The following BMPR2 variants were observed in gnomAD, a reference collection of about 807,000 sequenced individuals.
BMPR2 encodes bone morphogenetic protein receptor type 2, also known as bone morphogenetic protein receptor type-2.
A neutral mutation model predicts 100.8 loss-of-function variants in BMPR2; 29 were observed. That is an observed-to-expected ratio of 0.29 (90% CI 0.21 to 0.39). The LOEUF is 0.39. Ranked by LOEUF, BMPR2 falls within the 10% of genes least tolerant of loss-of-function variation. The pLI, the probability that BMPR2 is intolerant of heterozygous loss-of-function variation, is 1.00. For missense variants in BMPR2, 1,011 were observed against 1,274.5 expected (o/e 0.79, Z 3.15); for synonymous variants, 382 against 442.3 (o/e 0.86, Z 1.71).
rs1177307657 is a variant in BMPR2 at position 202,561,019 on chromosome 2, A to G, written c.*1073A>G. On this transcript the variant is annotated 3_prime_UTR_variant, in exon 13 of 13. Transcript: ENST00000374580. ...TAGGCCATCTTTGACTCATAAAATT[A>G]CCCTTACTGTTTATTATAACTTCAG... 2.6e-5 allele frequency: 4 copies of G among 152,110 alleles called. No homozygotes were observed. Among genetic ancestry groups the G allele is most frequent in the Non-Finnish European group, 5.9e-5 (4 of 67,992 alleles). 9.4% of individuals were successfully genotyped at this position (152,110 alleles called of 1,614,324 possible).
chr2:202,392,049 C>T (rs941319690), intron 1 of BMPR2, among the ~76,000 whole-genome samples: 13 of 150,844 alleles, frequency 8.6e-5, no homozygotes, highest in East Asian at 7.9e-4. Context: ...TGTGAACCAC[C>T]GCACCCAGCC....
intron 10 of BMPR2, among the ~76,000 whole-genome samples, chr2:202,547,497 A>G (rs2106036324): frequency 6.6e-6 from 1 of 152,188 alleles, no homozygotes; most frequent in East Asian, 1.9e-4. Flanking sequence ...AAAGGTGGCA[A>G]CTTAGCCAGG....
chr2:202,478,243 G>A (rs1692588369), intron 3 of BMPR2, among the ~76,000 whole-genome samples: 1 of 152,164 alleles, frequency 6.6e-6, no homozygotes, highest in South Asian at 2.1e-4. Flanking sequence ...CAAAGAACAA[G>A]AAGGCTGTGA....
At chr2:202,414,328 G>C (rs1169670424) in intron 1 of BMPR2, among the ~76,000 whole-genome samples, 1 of 152,178 alleles carries the variant, frequency 6.6e-6, no homozygotes, top group Non-Finnish European at 1.5e-5. Context: ...ATCAGCTGTT[G>C]TTCCCCTGTC....
chr2:202,557,334 G>A (rs1000840425), intron 12 of BMPR2, among the ~76,000 whole-genome samples: 8 of 151,876 alleles, frequency 5.3e-5, no homozygotes, highest in Non-Finnish European at 8.8e-5. Flanking sequence ...TGTGGTGGTG[G>A]GCACCTGTAA....
chr2:202,430,515 T>A (rs541333340), intron 1 of BMPR2, among the ~76,000 whole-genome samples: 3 of 152,306 alleles, frequency 2.0e-5, no homozygotes, highest in Admixed American at 2.0e-4. Flanking sequence ...ATGATGTATA[T>A]TTAAGTAAGG....
At chr2:202,482,400 G>A (rs1448694916) in intron 3 of BMPR2, among the ~76,000 whole-genome samples, 1 of 152,090 alleles carries the variant, frequency 6.6e-6, no homozygotes, top group Non-Finnish European at 1.5e-5. Flanking sequence ...AAGAGACAGG[G>A]TCTTGCTTTG....
intron 3 of BMPR2, among the ~76,000 whole-genome samples, chr2:202,468,294 TAGTG>T (rs1490204291): frequency 6.6e-6 from 1 of 151,960 alleles, no homozygotes; most frequent in Non-Finnish European, 1.5e-5. Flanking sequence ...CTGGGCAACA[TAGTG>T]AGATCCCATC....
intron 3 of BMPR2, among the ~76,000 whole-genome samples, chr2:202,485,074 G>A (rs1265149229): frequency 2.0e-5 from 3 of 151,304 alleles, no homozygotes; most frequent in East Asian, 1.9e-4. Context: ...CAATCCTCCC[G>A]ACTCGGCCTC....
intron 1 of BMPR2, among the ~76,000 whole-genome samples, chr2:202,414,081 G>A (rs574302375): frequency 2.4e-4 from 36 of 152,284 alleles, no homozygotes; most frequent in Non-Finnish European, 8.8e-5. Flanking sequence ...AGGGTTTGGG[G>A]TAACTCTGCA....
At chr2:202,513,676 T>C (rs1687661754) in intron 3 of BMPR2, 43 bp from the exon 4 acceptor site, 1 of 1,127,086 alleles carries the variant, frequency 8.9e-7, no homozygotes, top group Non-Finnish European at 1.3e-6. Flanking sequence ...AACAAAATAC[T>C]TTTTTAAAAA....
chr2:202,556,460 C>T lies in BMPR2; in HGVS notation c.2795C>T (p.Pro932Leu). The T allele has an allele frequency of 6.2e-7, 1 of 1,614,162 alleles. No homozygotes were observed. Among genetic ancestry groups the T allele is most frequent in the Non-Finnish European group, 8.5e-7 (1 of 1,180,030 alleles). ...GCAGCAGATCCTGGGCCATCAAAGCCCAGAAGAGCACAGAGGCCTAATTCT... is the reference window on the plus strand; with the variant it reads ...GCAGCAGATCCTGGGCCATCAAAGCTCAGAAGAGCACAGAGGCCTAATTCT... ...STAADPGPSK[P>L]RRAQRPNSLD... Residue 932 changes from proline (P) to leucine (L), a missense_variant, in exon 12 of 13, where the codon CCC becomes CTC. By Grantham distance (98) the Pro-to-Leu change is moderately conservative (BLOSUM62 -3). Coordinates refer to ENST00000374580, the MANE Select transcript of BMPR2 (RefSeq NM_001204.7).
At chr2:202,507,081 A>T in intron 3 of BMPR2, among the ~76,000 whole-genome samples, 1 of 151,684 alleles carries the variant, frequency 6.6e-6, no homozygotes, top group Non-Finnish European at 1.5e-5. Flanking sequence ...TTAAAAAAAA[A>T]AAAAAAAAAA....
intron 1 of BMPR2, among the ~76,000 whole-genome samples, chr2:202,394,645 G>A (rs1053004276): frequency 1.3e-5 from 2 of 152,038 alleles, no homozygotes; most frequent in Non-Finnish European, 2.9e-5. Context: ...CTAATGATAT[G>A]TAAAAATAAT....
chr2:202,420,479 T>C (rs1691233637), intron 1 of BMPR2, among the ~76,000 whole-genome samples: 1 of 150,368 alleles, frequency 6.7e-6, no homozygotes, highest in African/African-American at 2.4e-5. Context: ...CATTACTAAA[T>C]ATGCGTTTAT....
At chr2:202,439,439 G>A (rs1691685744) in intron 1 of BMPR2, among the ~76,000 whole-genome samples, 1 of 144,484 alleles carries the variant, frequency 6.9e-6, no homozygotes, top group South Asian at 2.3e-4. Context: ...AAATCCTAAG[G>A]AACCTACAAA....
Position 202,503,510 on chromosome 2 carries a change from C to A in BMPR2, c.419-10209C>A, listed in dbSNP as rs973737269. 9.9e-5 allele frequency among the ~76,000 whole-genome samples: 15 copies of A among 152,230 alleles called. No individual in the cohort carries two copies. Among genetic ancestry groups the A allele is most frequent in the Non-Finnish European group, 1.8e-4 (12 of 68,030 alleles). ...CCCCGGGCAATGAGGGGCTTAGCAC[C>A]CAGGCCAGCAGCTGCGGAGGGTGTA... On this transcript the variant is annotated intron_variant, in intron 3 of 12. Transcript: ENST00000374580. The surrounding 1 kb of genome is among the most constrained non-coding windows in gnomAD (Gnocchi z 4.0).
intron 1 of BMPR2, among the ~76,000 whole-genome samples, chr2:202,379,999 G>A (rs752549751): frequency 5.3e-5 from 8 of 151,912 alleles, no homozygotes; most frequent in Non-Finnish European, 7.4e-5. Context: ...CTGAGATTAC[G>A]GGAGCCCACC....
chr2:202,410,673 G>A (rs899932862), intron 1 of BMPR2, among the ~76,000 whole-genome samples: 5 of 152,036 alleles, frequency 3.3e-5, no homozygotes, highest in Non-Finnish European at 4.4e-5. Flanking sequence ...TCCACCTCCC[G>A]GGTTCACAAC....
Sources: allele counts gnomAD v4.1 joint callset (sites outside exome capture counted in the v4.1 genomes callset), GRCh38; gene constraint gnomAD v4.1.1; non-coding constraint Gnocchi (gnomAD v3.1); transcripts MANE v1.5; gene names NCBI Gene and HGNC (gene_info 2026-07-23, HGNC 2026-07-21).